The following SEMA4F variants were observed in gnomAD, a reference collection of about 807,000 sequenced individuals.
SEMA4F encodes the protein ssemaphorin 4F, also known as semaphorin-4F.
Under a neutral mutation model 78.4 loss-of-function variants are expected in SEMA4F, and 51 were observed. The ratio of observed to expected loss-of-function variants is 0.65; its 90% CI spans 0.52 to 0.82. SEMA4F has a LOEUF of 0.82. SEMA4F is among the 40% of genes least tolerant of loss of function. The pLI is 0.00. For synonymous variants in SEMA4F, 418 were observed against 408.7 expected (o/e 1.02, Z -0.27); for missense variants, 938 against 1,014.4 (o/e 0.92, Z 1.02).
rs769533067 is a variant in SEMA4F, at chr2:74,673,594, G to T, written c.670+18G>T. 4 of 1,613,894 alleles carry T rather than the reference G, an allele frequency of 2.5e-6. No individual in the cohort carries two copies. The highest frequency in any genetic ancestry group is 2.5e-6 in the Non-Finnish European group (3 of 1,179,952). On this transcript the variant is annotated intron_variant, in intron 6 of 13. Coordinates refer to ENST00000357877, the MANE Select transcript of SEMA4F (RefSeq NM_004263.5). ...GCTGAACGGTGGGGAGAGGGAGAGGGGTCCTCTGGGGAGACCGATGGGGTG... is the reference window on the plus strand; with the variant it reads ...GCTGAACGGTGGGGAGAGGGAGAGGTGTCCTCTGGGGAGACCGATGGGGTG...
Position 74,680,246 on chromosome 2 carries a change from T to A in SEMA4F, c.*37T>A. 2 of 1,518,530 alleles carry A rather than the reference T, an allele frequency of 1.3e-6. No homozygotes were observed. Among genetic ancestry groups the A allele is most frequent in the Non-Finnish European group, 1.8e-6 (2 of 1,130,996 alleles). The allele number at this position is 1,518,530 out of a possible 1,614,324, so 94.1% of individuals were successfully genotyped here. ...TGACCACTAGTGTATAAGTGATCAC[T>A]GGAACGGAGTGACCACTGAGATGCT... On this transcript the variant is annotated 3_prime_UTR_variant, in exon 14 of 14. Coordinates refer to ENST00000357877, the MANE Select transcript of SEMA4F (RefSeq NM_004263.5).
the SEMA4F span, among the ~76,000 whole-genome samples, chr2:74,694,015 T>TA: frequency 1.3e-5 from 2 of 152,196 alleles, no homozygotes; most frequent in Non-Finnish European, 2.9e-5. Context: ...TTCAGCCTTT[T>TA]AGAGATAGAT....
At chr2:74,690,793 G>A in the SEMA4F span, among the ~76,000 whole-genome samples, 2 of 152,202 alleles carry the variant, frequency 1.3e-5, no homozygotes, top group African/African-American at 4.8e-5. Flanking sequence ...AGAATAGCCT[G>A]TTGCTAATGC....
At chr2:74,700,400 G>A in the SEMA4F span, among the ~76,000 whole-genome samples, 3 of 152,086 alleles carry the variant, frequency 2.0e-5, no homozygotes, top group Admixed American at 1.3e-4. Flanking sequence ...TCTCCTGCCT[G>A]ACCCTGAGTA....
At chr2:74,694,181 A>C in the SEMA4F span, among the ~76,000 whole-genome samples, 2 of 151,794 alleles carry the variant, frequency 1.3e-5, no homozygotes, top group Admixed American at 1.3e-4. Context: ...CTTCTTTCAT[A>C]CCTTTTATGC....
intron 5 of SEMA4F, among the ~76,000 whole-genome samples, chr2:74,668,929 CAAAAAAAAAAAA>C (rs1308342967): frequency 1.8e-5 from 1 of 55,662 alleles, no homozygotes; most frequent in East Asian, 5.1e-4. Flanking sequence ...CAAGCGTGGC[CAAAAAAAAAAAA>C]AAAAAAAAAA....
chr2:74,676,732 C>T (rs1685306784), intron 12 of SEMA4F, among the ~76,000 whole-genome samples: 1 of 152,230 alleles, frequency 6.6e-6, no homozygotes, highest in African/African-American at 2.4e-5. Context: ...CTTAACTGGA[C>T]TACTCTAATA....
chr2:74,654,854 G>A (rs947528826), intron 1 of SEMA4F, among the ~76,000 whole-genome samples: 3 of 152,190 alleles, frequency 2.0e-5, no homozygotes, highest in African/African-American at 7.2e-5. Context: ...CCCAGAGCTC[G>A]GGTGGGGGCT....
chr2:74,673,680 C>A lies in SEMA4F; in HGVS notation c.674C>A (p.Pro225Gln). Residue 225 changes from proline (P) to glutamine (Q), a missense_variant, in exon 7 of 14, where the codon CCA becomes CAA. Pro to Gln is a moderately conservative substitution (Grantham distance 76). Coordinates refer to ENST00000357877, the MANE Select transcript of SEMA4F (RefSeq NM_004263.5). ...CTGAGGCCACTGGTATTCCCAGCCC[C>A]AGCCTTTGTCGCAGCCGTGGCCTTG... ...TDTLPSWLNA[P>Q]AFVAAVALSP... is the part of the protein sequence containing the mutation. 9 of 1,613,818 alleles carry A rather than the reference C, an allele frequency of 5.6e-6. No homozygotes were observed. The highest frequency in any genetic ancestry group is 7.6e-6 in the Non-Finnish European group (9 of 1,179,792).
intron 6 of SEMA4F, 47 bp downstream of exon 6, chr2:74,673,623 T>A (rs2104989878): frequency 6.2e-7 from 1 of 1,612,256 alleles, no homozygotes; most frequent in Non-Finnish European, 8.5e-7. Flanking sequence ...TGGGGTGGAG[T>A]CTGGGAAGTC....
chr2:74,672,891 T>C (rs748044302), intron 5 of SEMA4F, among the ~76,000 whole-genome samples: 4 of 152,184 alleles, frequency 2.6e-5, no homozygotes, highest in African/African-American at 4.8e-5. Flanking sequence ...AAATGCAGGT[T>C]CTTGAGCCAA....
At position 74,680,071 on chromosome 2, in the gene SEMA4F, G is replaced by A; in HGVS notation, c.2175G>A (p.Arg725=). 1 of 1,614,108 alleles carries A rather than the reference G, an allele frequency of 6.2e-7. No individual in the cohort carries two copies. Among genetic ancestry groups the A allele is most frequent in the Non-Finnish European group, 8.5e-7 (1 of 1,179,940 alleles). The change falls in exon 14 of 14, where the codon CGG becomes CGA. Residue 725 remains arginine, a synonymous_variant. Coordinates refer to ENST00000357877, the MANE Select transcript of SEMA4F (RefSeq NM_004263.5). The part of the protein sequence containing the change: ...DPPSPSPEDE[R]LPLALAKRGS... ...CCTCCCCCTCTCCTGAAGATGAGCG[G>A]TTGCCGCTGGCCCTGGCCAAGAGGG...
the SEMA4F span, among the ~76,000 whole-genome samples, chr2:74,689,115 C>T: frequency 6.6e-6 from 1 of 152,194 alleles, no homozygotes; most frequent in Non-Finnish European, 1.5e-5. Context: ...ACTGACCTCT[C>T]TTCTTAACTA....
the SEMA4F span, among the ~76,000 whole-genome samples, chr2:74,691,700 TAA>T: frequency 6.6e-6 from 1 of 152,220 alleles, no homozygotes; most frequent in Non-Finnish European, 1.5e-5. Flanking sequence ...GAGCATAATG[TAA>T]AGTTTTCCCA....
At chr2:74,676,051 C>T in intron 12 of SEMA4F, 142 bp downstream of exon 12, 3 of 858,518 alleles carry the variant, frequency 3.5e-6, no homozygotes, top group Non-Finnish European at 5.2e-6. Context: ...ACTCGTGTGT[C>T]CTTCTGTCAG....
chr2:74,708,196 C>A, the SEMA4F span, among the ~76,000 whole-genome samples: 1 of 151,898 alleles, frequency 6.6e-6, no homozygotes, highest in Non-Finnish European at 1.5e-5. Context: ...TAACTTATCC[C>A]AGAGCAAAGT....
At chr2:74,705,819 G>A in the SEMA4F span, among the ~76,000 whole-genome samples, 8 of 152,178 alleles carry the variant, frequency 5.3e-5, no homozygotes, top group Non-Finnish European at 1.0e-4. Context: ...TCCTGCCTCA[G>A]CCTCTCAAAA....
At chr2:74,673,266 G>T (rs1004790838) in intron 5 of SEMA4F, among the ~76,000 whole-genome samples, 191 bp from the exon 6 acceptor site, 1 of 152,150 alleles carries the variant, frequency 6.6e-6, no homozygotes, top group African/African-American at 2.4e-5. Flanking sequence ...TTCCCTGACT[G>T]CCCTGGAGCA....
downstream of SEMA4F, among the ~76,000 whole-genome samples, chr2:74,684,371 C>G (rs975127888): frequency 1.3e-5 from 2 of 152,014 alleles, no homozygotes; most frequent in African/African-American, 4.8e-5. Context: ...GCGATAACAA[C>G]CCCACACTTT....
Sources: allele counts gnomAD v4.1 joint callset (sites outside exome capture counted in the v4.1 genomes callset), GRCh38; gene constraint gnomAD v4.1.1; transcripts MANE v1.5; gene names NCBI Gene and HGNC (gene_info 2026-07-23, HGNC 2026-07-21).